The following TTYH3 variants were observed in gnomAD, a reference collection of about 807,000 sequenced individuals.
TTYH3 encodes protein tweety homolog 3.
In TTYH3, 23 loss-of-function variants were observed where a neutral mutation model predicts 68.2. That is an observed-to-expected ratio of 0.34 (90% confidence interval 0.24 to 0.48). The LOEUF is 0.48. TTYH3 is among the 20% of genes least tolerant of loss of function. TTYH3 has a pLI of 0.99. For synonymous variants in TTYH3, 360 were observed against 332.8 expected (o/e 1.08, Z -0.89); for missense variants, 768 against 727.7 (o/e 1.06, Z -0.64).
At chr7:2,652,821 G>A in intron 8 of TTYH3, 97 bp from the exon 9 acceptor site, 1 of 955,728 alleles carries the variant, frequency 1.0e-6, no homozygotes, top group Non-Finnish European at 1.6e-6. Flanking sequence ...CTCCCAGGCT[G>A]GACGTCTTGC....
At chr7:2,659,754 G>C (rs1026466732) in intron 13 of TTYH3, among the ~76,000 whole-genome samples, 14 of 152,164 alleles carry the variant, frequency 9.2e-5, no homozygotes, top group African/African-American at 3.4e-4. Flanking sequence ...AGCTGGGCCT[G>C]GGGGGCCTGG....
At chr7:2,641,937 G>A (rs924310967) in intron 1 of TTYH3, among the ~76,000 whole-genome samples, 1 of 152,228 alleles carries the variant, frequency 6.6e-6, no homozygotes, top group African/African-American at 2.4e-5. Flanking sequence ...GCTGGGACCC[G>A]GGCAGCCCAA....
intron 11 of TTYH3, 69 bp from the exon 12 acceptor site, chr7:2,658,217 C>A: frequency 7.1e-7 from 1 of 1,415,174 alleles, no homozygotes; most frequent in Non-Finnish European, 9.4e-7. Flanking sequence ...CCAGAACTGA[C>A]CCCCATGGGT....
chr7:2,661,372 G>T (rs993471511), intron 13 of TTYH3, among the ~76,000 whole-genome samples: 2 of 152,152 alleles, frequency 1.3e-5, no homozygotes, highest in Non-Finnish European at 2.9e-5. Flanking sequence ...AATGCCGCTG[G>T]TGTGGGCATG....
chr7:2,658,775 G>A (rs941728571), intron 12 of TTYH3, among the ~76,000 whole-genome samples, 165 bp from the exon 13 acceptor site: 2 of 152,196 alleles, frequency 1.3e-5, no homozygotes, highest in Non-Finnish European at 2.9e-5. Context: ...GGGTCTCTCT[G>A]TGGGCCCTCT....
intron 13 of TTYH3, among the ~76,000 whole-genome samples, chr7:2,659,582 C>G (rs781493086): frequency 6.6e-6 from 1 of 152,196 alleles, no homozygotes; most frequent in Non-Finnish European, 1.5e-5. Flanking sequence ...GCGTAAGACA[C>G]AGGCAGGAGG....
chr7:2,652,792 A>G (rs1315423561), intron 8 of TTYH3, 126 bp from the exon 9 acceptor site: 6 of 737,136 alleles, frequency 8.1e-6, no homozygotes, highest in East Asian at 2.7e-5. Context: ...GTTGGCCTGC[A>G]GAGCAGAGCC....
chr7:2,651,051 C>T (rs532349824), intron 7 of TTYH3, among the ~76,000 whole-genome samples: 130 of 152,030 alleles, frequency 8.6e-4, no homozygotes, highest in African/African-American at 3.1e-3. Flanking sequence ...GCTGGGGCAT[C>T]GGGAGTTTCG....
At chr7:2,654,320 G>C (rs915716758) in intron 9 of TTYH3, among the ~76,000 whole-genome samples, 3 of 152,074 alleles carry the variant, frequency 2.0e-5, no homozygotes, top group African/African-American at 7.2e-5. Flanking sequence ...GCTTGAGCCC[G>C]GGAGTTCAAA....
At chr7:2,654,408 CTCTGTATG>C (rs1786276671) in intron 9 of TTYH3, among the ~76,000 whole-genome samples, 1 of 151,972 alleles carries the variant, frequency 6.6e-6, no homozygotes, top group East Asian at 1.9e-4. Flanking sequence ...CTCTCTTTCT[CTCTGTATG>C]TATGTGTATA....
chr7:2,658,268 G>T lies in TTYH3; in HGVS notation c.1251-18G>T. 1.3e-6 allele frequency: 2 copies of T among 1,535,258 alleles called. No homozygotes were observed. The highest frequency in any genetic ancestry group is 1.8e-6 in the Non-Finnish European group (2 of 1,135,956). Reference sequence around the variant, plus strand: ...TCCTGCTGGGGCCTGAGCCCGTGCTGCGTGTCCCTCCTCACAGAGGCCCTG... The same window carrying T: ...TCCTGCTGGGGCCTGAGCCCGTGCTTCGTGTCCCTCCTCACAGAGGCCCTG... On this transcript the variant is annotated intron_variant, in intron 11 of 13. Transcript: ENST00000258796.
Position 2,647,139 on chromosome 7 carries a change from C to T in TTYH3, c.294-3C>T. On this transcript the variant is annotated splice_polypyrimidine_tract_variant and splice_region_variant and intron_variant, in intron 2 of 13. Transcript: ENST00000258796. Reference sequence around the variant, plus strand: ...CTACATCTCACGGGCCCGCCCTCTCCAGCGCCGGCATCGCAGTGGGATTCT... The same window carrying T: ...CTACATCTCACGGGCCCGCCCTCTCTAGCGCCGGCATCGCAGTGGGATTCT... 1.3e-6 allele frequency: 2 copies of T among 1,598,548 alleles called. No homozygotes were observed. Among genetic ancestry groups the T allele is most frequent in the Non-Finnish European group, 1.7e-6 (2 of 1,174,752 alleles).
chr7:2,647,762 G>C, intron 4 of TTYH3, 124 bp downstream of exon 4: 1 of 1,157,284 alleles, frequency 8.6e-7, no homozygotes, highest in Non-Finnish European at 1.2e-6. Flanking sequence ...AGGGCCACTG[G>C]AGGTCACAGG....
At position 2,653,020 on chromosome 7, in the gene TTYH3, T is replaced by C. The variant is rs1317902367; in HGVS notation, c.1020+10T>C. On this transcript the variant is annotated intron_variant, in intron 9 of 13. Transcript: ENST00000258796. Reference sequence around the variant, plus strand: ...GCAGCCGGCCACTAAGGTGAGGGGCTGCGGGGTAGGCACTGGGGCAGGCAG... The same window carrying C: ...GCAGCCGGCCACTAAGGTGAGGGGCCGCGGGGTAGGCACTGGGGCAGGCAG... 2 of 1,561,572 alleles carry C rather than the reference T, an allele frequency of 1.3e-6. No homozygotes were observed. The highest frequency in any genetic ancestry group is 4.7e-5 in the East Asian group (2 of 42,836).
chr7:2,650,053 G>A, intron 7 of TTYH3, 65 bp downstream of exon 7: 4 of 1,564,064 alleles, frequency 2.6e-6, no homozygotes. Context: ...CAAAAGAGTG[G>A]GGTAGCTGAG....
intron 7 of TTYH3, 30 bp downstream of exon 7, chr7:2,650,018 C>T (rs372852504): frequency 2.0e-5 from 32 of 1,612,330 alleles, no homozygotes; most frequent in Middle Eastern, 1.7e-4. Context: ...CGTGTCCCAG[C>T]GGGTTCCCCA....
At chr7:2,635,617 A>G (rs1204115344) in intron 1 of TTYH3, among the ~76,000 whole-genome samples, 1 of 152,162 alleles carries the variant, frequency 6.6e-6, no homozygotes, top group African/African-American at 2.4e-5. Flanking sequence ...CTGGCTTGCC[A>G]TGGAGGTTGC....
In TTYH3 at chr7:2,649,572, G is replaced by A; in HGVS notation, c.728G>A (p.Cys243Tyr). The A allele has an allele frequency of 6.3e-7, 1 of 1,587,292 alleles. No individual in the cohort carries two copies. Among genetic ancestry groups the A allele is most frequent in the Non-Finnish European group, 8.5e-7 (1 of 1,173,142 alleles). ...ACTGGCTGTCTCTGCCCCAGGGTCT[G>A]CCTGCTGGGAGTCCTGGCCCTGGTC... ...RSSKGILVGV[C>Y]LLGVLALVIS... Residue 243 changes from cysteine (C) to tyrosine (Y), a missense_variant, in exon 6 of 14, where the codon TGC (cysteine) becomes TAC (tyrosine). Transcript: ENST00000258796.
chr7:2,659,049 T>TG, intron 13 of TTYH3, 34 bp downstream of exon 13: 1 of 1,601,306 alleles, frequency 6.2e-7, no homozygotes, highest in South Asian at 1.1e-5. Flanking sequence ...GATGGGGGGC[T>TG]GCTCAGCCTT....
Sources: gnomAD v4.1 joint callset for allele counts (sites outside exome capture counted in the v4.1 genomes callset) on GRCh38, gnomAD v4.1.1 for gene constraint, MANE v1.5 for transcripts, NCBI Gene and HGNC (gene_info 2026-07-23, HGNC 2026-07-21) for gene names.